ADAMTS18: variants seen among roughly 807,000 people sequenced by gnomAD.
ADAMTS18 encodes A disintegrin and metalloproteinase with thrombospondin motifs 18.
ADAMTS18 carries 157 observed loss-of-function variants against 165.9 expected under a neutral mutation model. That is an observed-to-expected ratio of 0.95 (90% CI 0.83 to 1.08). The LOEUF (loss-of-function observed/expected upper bound fraction) is 1.08, where lower values mean the gene tolerates loss of function less well. ADAMTS18 is among the 50% of genes least tolerant of loss of function. The probability of loss-of-function intolerance (pLI) is 0.00; values close to 1 mark genes in which losing one functional copy is unlikely to be tolerated. For missense variants in ADAMTS18, 2,040 were observed against 1,534.0 expected (o/e 1.33, Z -5.51); for synonymous variants, 782 against 578.2 (o/e 1.35, Z -5.06).
At position 77,289,338 on chromosome 16, in the gene ADAMTS18, C is replaced by T. The variant is rs3743749; in HGVS notation, c.3476G>A (p.Ser1159Asn). The T allele has an allele frequency of 9.3e-6, 15 of 1,613,866 alleles. No individual in the cohort carries two copies. In the African/African-American group the frequency reaches 1.3e-4, roughly 14 times the overall value. The change falls in exon 22 of 23, where the codon AGT becomes AAT. Residue 1159 changes from serine to asparagine, a missense_variant. By Grantham distance (46) the Ser-to-Asn change is conservative. Transcript: ENST00000282849. ...CGGAGGTTTCTGATGGAGCAGACAA[C>T]TTGAGGAAGGCCGGCCTTGCTGAAC... ...HCVQQGRPSS[S>N]CLLHQKPPVL...
intron 3 of ADAMTS18, among the ~76,000 whole-genome samples, chr16:77,370,482 G>A (rs1213301613): frequency 2.6e-5 from 4 of 152,166 alleles, no homozygotes; most frequent in Non-Finnish European, 5.9e-5. Flanking sequence ...AAGTGCAGTG[G>A]CTCACACCTG....
rs1259005242 is a variant in ADAMTS18 at position 77,434,914 on chromosome 16, G to C, written c.-219C>G. 1 of 399,516 alleles carries C rather than the reference G, an allele frequency of 2.5e-6. No homozygotes were observed. The highest frequency in any genetic ancestry group is 4.3e-6 in the Non-Finnish European group (1 of 229,910). The allele number at this position is 399,516 out of a possible 1,614,324, so 24.7% of individuals were successfully genotyped here. Reference sequence around the variant, plus strand: ...CCCGGCGCGGGCCTGCCGAGCTGCAGTTTGCGGCACCCCAGAGGGTACGGG... The same window carrying C: ...CCCGGCGCGGGCCTGCCGAGCTGCACTTTGCGGCACCCCAGAGGGTACGGG... On this transcript the variant is annotated 5_prime_UTR_variant, in exon 1 of 23. Coordinates refer to ENST00000282849, the MANE Select transcript of ADAMTS18 (RefSeq NM_199355.4).
intron 3 of ADAMTS18, among the ~76,000 whole-genome samples, chr16:77,373,695 G>GT (rs2056909755): frequency 6.6e-6 from 1 of 151,930 alleles, no homozygotes; most frequent in South Asian, 2.1e-4. Flanking sequence ...AACACCATCT[G>GT]TCCCCCAAAA....
chr16:77,317,499 A>T (rs1381372967), intron 16 of ADAMTS18, among the ~76,000 whole-genome samples: 2 of 152,138 alleles, frequency 1.3e-5, no homozygotes, highest in Non-Finnish European at 2.9e-5. Flanking sequence ...ACACCCAGCT[A>T]ATTTTTGTAT....
intron 16 of ADAMTS18, among the ~76,000 whole-genome samples, chr16:77,312,553 TCTAA>T (rs1597108269): frequency 2.6e-5 from 4 of 152,226 alleles, no homozygotes; most frequent in South Asian, 2.1e-4. Flanking sequence ...AAAAAAAACT[TCTAA>T]CTATCAGGAA....
chr16:77,388,153 G>A (rs969053467), intron 3 of ADAMTS18, among the ~76,000 whole-genome samples: 1 of 152,200 alleles, frequency 6.6e-6, no homozygotes, highest in Admixed American at 6.6e-5. Flanking sequence ...AGGCTGGAGT[G>A]CAGTGGCACC....
intron 3 of ADAMTS18, among the ~76,000 whole-genome samples, chr16:77,394,760 T>C (rs1016567908): frequency 1.4e-4 from 22 of 152,184 alleles, no homozygotes; most frequent in Admixed American, 9.8e-4. Flanking sequence ...TACAACCCGA[T>C]AATAAACTAT....
chr16:77,427,248 G>C (rs16945683), intron 3 of ADAMTS18, among the ~76,000 whole-genome samples: 6,227 of 152,192 alleles, frequency 0.041, 240 homozygotes, highest in African/African-American at 0.1. Context: ...GATAATCACT[G>C]TCCTGACAAA....
At chr16:77,388,248 T>C (rs1190983809) in intron 3 of ADAMTS18, among the ~76,000 whole-genome samples, 1 of 152,164 alleles carries the variant, frequency 6.6e-6, no homozygotes, top group Non-Finnish European at 1.5e-5. Context: ...TATAGGTCCC[T>C]GCCACTGTGC....
intron 3 of ADAMTS18, among the ~76,000 whole-genome samples, chr16:77,403,532 C>G (rs1056576496): frequency 6.6e-6 from 1 of 152,062 alleles, no homozygotes; most frequent in Admixed American, 6.5e-5. Context: ...GTTTAGGGAC[C>G]AATGTAGTTA....
chr16:77,372,490 CAT>C (rs1277625300), intron 3 of ADAMTS18, among the ~76,000 whole-genome samples: 8 of 152,326 alleles, frequency 5.3e-5, no homozygotes, highest in African/African-American at 1.7e-4. Context: ...GGAGCTGTGG[CAT>C]CGACATGATG....
At chr16:77,405,150 G>C (rs900110664) in intron 3 of ADAMTS18, among the ~76,000 whole-genome samples, 10 of 152,122 alleles carry the variant, frequency 6.6e-5, no homozygotes, top group African/African-American at 2.4e-4. Context: ...CCCTGGGCTG[G>C]GACTGGGAGA....
intron 3 of ADAMTS18, among the ~76,000 whole-genome samples, chr16:77,395,844 G>C (rs1414939254): frequency 3.9e-5 from 6 of 152,254 alleles, no homozygotes; most frequent in South Asian, 2.1e-4. Context: ...TTTAGGTCTA[G>C]AGAAATGTGG....
At chr16:77,428,199 G>C (rs769968499) in intron 3 of ADAMTS18, among the ~76,000 whole-genome samples, 5 of 151,982 alleles carry the variant, frequency 3.3e-5, no homozygotes, top group African/African-American at 4.8e-5. Flanking sequence ...ATCTCTTCTC[G>C]GTCTCTGTAT....
intron 13 of ADAMTS18, among the ~76,000 whole-genome samples, chr16:77,323,928 G>C (rs1378262269): frequency 6.6e-6 from 1 of 152,228 alleles, no homozygotes; most frequent in Non-Finnish European, 1.5e-5. Context: ...ATGCATGAAT[G>C]AAATTGCATG....
chr16:77,348,184 C>A (rs1404245325), intron 10 of ADAMTS18, among the ~76,000 whole-genome samples: 1 of 152,094 alleles, frequency 6.6e-6, no homozygotes, highest in Non-Finnish European at 1.5e-5. Flanking sequence ...TTCCTTTCTG[C>A]TGGATTCAGG....
chr16:77,333,492 CA>C (rs61412792), intron 12 of ADAMTS18, among the ~76,000 whole-genome samples: 12,946 of 141,218 alleles, frequency 0.092, 748 homozygotes, highest in East Asian at 0.26. Context: ...AAAGAAATAC[CA>C]AAAAAAAAAA....
At chr16:77,284,116 C>T (rs759773940) in intron 22 of ADAMTS18, 45 bp from the exon 23 acceptor site, 7 of 1,343,188 alleles carry the variant, frequency 5.2e-6, no homozygotes, top group East Asian at 2.3e-5. Context: ...GGGTGTCTAT[C>T]CTTTTTCTTT....
At chr16:77,420,944 ACT>A (rs1260058426) in intron 3 of ADAMTS18, among the ~76,000 whole-genome samples, 1 of 152,184 alleles carries the variant, frequency 6.6e-6, no homozygotes, top group African/African-American at 2.4e-5. Context: ...ACTAAAAAGT[ACT>A]CTGTTATAGC....
Sources: allele counts gnomAD v4.1 joint callset (sites outside exome capture counted in the v4.1 genomes callset), GRCh38; gene constraint gnomAD v4.1.1; transcripts MANE v1.5; gene names NCBI Gene and HGNC (gene_info 2026-07-23, HGNC 2026-07-21).